ADAMTS12: variants seen among roughly 807,000 people sequenced by gnomAD.
ADAMTS12 encodes ADAM metallopeptidase with thrombospondin type 1 motif 12.
In ADAMTS12, 118 loss-of-function variants were observed where a neutral mutation model predicts 167.8. The ratio of observed to expected loss-of-function variants is 0.70; its 90% CI spans 0.61 to 0.82. ADAMTS12 has a LOEUF of 0.82. ADAMTS12 is among the 40% of genes least tolerant of loss of function. The pLI is 0.00. For missense variants in ADAMTS12, 1,916 were observed against 1,998.8 expected (o/e 0.96, Z 0.79); for synonymous variants, 704 against 716.9 (o/e 0.98, Z 0.29).
intron 5 of ADAMTS12, among the ~76,000 whole-genome samples, chr5:33,671,798 CCACACACATCCATATACTCACA>C (rs1741701438): frequency 6.8e-6 from 1 of 148,108 alleles, no homozygotes; most frequent in African/African-American, 2.5e-5. Context: ...ATATATCTAC[CCACACACATCCATATACTCACA>C]TACCCACACA....
At chr5:33,741,530 C>T (rs142120418) in intron 3 of ADAMTS12, among the ~76,000 whole-genome samples, 5 of 152,168 alleles carry the variant, frequency 3.3e-5, no homozygotes, top group South Asian at 2.1e-4. Flanking sequence ...CTTCAACATA[C>T]GGATTTTGGG....
At chr5:33,667,596 T>C (rs1263711848) in intron 5 of ADAMTS12, among the ~76,000 whole-genome samples, 1 of 152,152 alleles carries the variant, frequency 6.6e-6, no homozygotes, top group Non-Finnish European at 1.5e-5. Context: ...GAAAACAAAC[T>C]CTGTTTAGAG....
intron 2 of ADAMTS12, among the ~76,000 whole-genome samples, chr5:33,792,725 A>G (rs553102313): frequency 2.3e-4 from 35 of 152,344 alleles, no homozygotes; most frequent in South Asian, 8.3e-4. Context: ...AGAAGATAGT[A>G]TCCTTGAAAA....
intron 22 of ADAMTS12, among the ~76,000 whole-genome samples, chr5:33,542,472 A>T (rs1744755868): frequency 6.6e-6 from 1 of 152,208 alleles, no homozygotes; most frequent in Non-Finnish European, 1.5e-5. Flanking sequence ...AAGGTTAACA[A>T]GGATATCCAG....
intron 14 of ADAMTS12, among the ~76,000 whole-genome samples, chr5:33,617,756 C>G (rs1288934282): frequency 1.3e-5 from 2 of 151,904 alleles, no homozygotes; most frequent in Non-Finnish European, 2.9e-5. Context: ...GTGTCTACCA[C>G]CTTGCTCCTT....
At chr5:33,800,137 C>A (rs1034182114) in intron 2 of ADAMTS12, among the ~76,000 whole-genome samples, 4 of 152,182 alleles carry the variant, frequency 2.6e-5, no homozygotes, top group African/African-American at 9.7e-5. Flanking sequence ...TTCACTCATT[C>A]AGTAGACTTA....
At chr5:33,808,727 T>C (rs1747333326) in intron 2 of ADAMTS12, among the ~76,000 whole-genome samples, 1 of 152,178 alleles carries the variant, frequency 6.6e-6, no homozygotes, top group Admixed American at 6.5e-5. Context: ...TCTTATTAGG[T>C]CAGGGTCAAA....
intron 1 of ADAMTS12, among the ~76,000 whole-genome samples, chr5:33,883,997 T>C (rs1257334300): frequency 6.6e-6 from 1 of 152,230 alleles, no homozygotes; most frequent in African/African-American, 2.4e-5. Context: ...CAGTGATGCC[T>C]CTGGCTCCTC....
In ADAMTS12 at chr5:33,616,972, A is replaced by C. The variant is rs375362060; in HGVS notation, c.2144-900T>G. On this transcript the variant is annotated intron_variant, in intron 14 of 23. Transcript: ENST00000504830. ...TTCTTGAGAACCATTCCCTAATAAA[A>C]TGGAAAGAACATGGACTTGGAGGTT... Among the ~76,000 whole-genome samples, 4 of 152,330 alleles carry C rather than the reference A, an allele frequency of 2.6e-5. No homozygotes were observed. In the East Asian group the frequency reaches 7.7e-4, roughly 29 times the overall value.
chr5:33,815,591 C>G (rs1474893114), intron 2 of ADAMTS12, among the ~76,000 whole-genome samples: 3 of 152,046 alleles, frequency 2.0e-5, no homozygotes, highest in African/African-American at 4.8e-5. Flanking sequence ...TTATAGAAGC[C>G]TCAGCTAAAA....
At chr5:33,697,610 G>A (rs945141740) in intron 3 of ADAMTS12, among the ~76,000 whole-genome samples, 1 of 151,748 alleles carries the variant, frequency 6.6e-6, no homozygotes, top group African/African-American at 2.4e-5. Flanking sequence ...TAGATGCCCA[G>A]ACACAATACC....
chr5:33,789,020 G>C (rs76973020), intron 2 of ADAMTS12, among the ~76,000 whole-genome samples: 1 of 152,050 alleles, frequency 6.6e-6, no homozygotes, highest in African/African-American at 2.4e-5. Flanking sequence ...TGTGAGTCAG[G>C]GTACAGAAAT....
At chr5:33,574,756 G>GA (rs1746595029) in intron 19 of ADAMTS12, among the ~76,000 whole-genome samples, 1 of 151,372 alleles carries the variant, frequency 6.6e-6, no homozygotes, top group African/African-American at 2.4e-5. Flanking sequence ...AATAATAATA[G>GA]AAAAAATGAG....
intron 20 of ADAMTS12, among the ~76,000 whole-genome samples, chr5:33,553,169 C>A (rs567234829): frequency 6.6e-6 from 1 of 152,190 alleles, no homozygotes; most frequent in Non-Finnish European, 1.5e-5. Context: ...AATGAGATAC[C>A]ATTTCACATC....
intron 5 of ADAMTS12, among the ~76,000 whole-genome samples, chr5:33,663,149 C>T (rs979576230): frequency 6.6e-6 from 1 of 152,226 alleles, no homozygotes; most frequent in Non-Finnish European, 1.5e-5. Flanking sequence ...TGGCTCATCA[C>T]GTGCTAAAAG....
At chr5:33,768,073 TG>T (rs1348504706) in intron 2 of ADAMTS12, among the ~76,000 whole-genome samples, 1 of 152,090 alleles carries the variant, frequency 6.6e-6, no homozygotes, top group Non-Finnish European at 1.5e-5. Flanking sequence ...AAAAATGCCC[TG>T]GGGAGGCAAC....
intron 7 of ADAMTS12, among the ~76,000 whole-genome samples, chr5:33,654,448 G>C (rs181485448): frequency 6.6e-6 from 1 of 152,116 alleles, no homozygotes; most frequent in African/African-American, 2.4e-5. Flanking sequence ...GGAGGGGAAG[G>C]GAGTGGGGCC....
chr5:33,574,666 G>A (rs1029445329), intron 19 of ADAMTS12, among the ~76,000 whole-genome samples: 5 of 151,704 alleles, frequency 3.3e-5, no homozygotes, highest in East Asian at 1.9e-4. Flanking sequence ...ATTAATGGGT[G>A]CAGCACACCA....
intron 2 of ADAMTS12, among the ~76,000 whole-genome samples, chr5:33,778,159 T>C (rs543081656): frequency 2.6e-5 from 4 of 152,198 alleles, no homozygotes; most frequent in South Asian, 4.1e-4. Flanking sequence ...TTTTCACATA[T>C]ATGGAAAAAA....
Sources: gnomAD v4.1 joint callset for allele counts (sites outside exome capture counted in the v4.1 genomes callset) on GRCh38, gnomAD v4.1.1 for gene constraint, MANE v1.5 for transcripts, NCBI Gene and HGNC (gene_info 2026-07-23, HGNC 2026-07-21) for gene names.